PTBP3: variants seen among roughly 807,000 people sequenced by gnomAD.
The protein encoded by PTBP3 is polypyrimidine tract-binding protein 3.
A neutral mutation model predicts 58.7 loss-of-function variants in PTBP3; 20 were observed. That is an observed-to-expected ratio of 0.34 (90% confidence interval 0.24 to 0.50). The LOEUF is 0.50. Among genes scored for constraint, PTBP3 ranks in the 20% least tolerant of loss-of-function variants. The pLI is 0.98. For synonymous variants in PTBP3, 185 were observed against 219.8 expected, an observed-to-expected ratio of 0.84 and a Z score of 1.40; for missense variants, 509 against 637.2, an observed-to-expected ratio of 0.80 and a Z score of 2.17.
intron 1 of PTBP3, among the ~76,000 whole-genome samples, chr9:112,320,291 A>AAAAATATATATATATATATATAT (rs1411646280): frequency 2.7e-5 from 2 of 73,536 alleles, no homozygotes; most frequent in African/African-American, 1.8e-4. Context: ...AAAAAAAAAA[A>AAAAATATATATATATATATATAT]ATATATATAT....
intron 2 of PTBP3, among the ~76,000 whole-genome samples, chr9:112,285,673 C>T (rs1000417195): frequency 4.6e-5 from 7 of 152,180 alleles, no homozygotes; most frequent in Non-Finnish European, 8.8e-5. Flanking sequence ...TGTTCAAATA[C>T]AATTTTATGT....
In PTBP3 at chr9:112,219,098, T is replaced by A. The variant is rs14255; in HGVS notation, c.*4753A>T. The A allele has an allele frequency of 6.5e-6, 1 of 152,690 alleles. No homozygotes were observed. Among genetic ancestry groups the A allele is most frequent in the African/African-American group, 2.4e-5 (1 of 41,532 alleles). 9.5% of individuals were successfully genotyped at this position (152,690 alleles called of 1,614,324 possible). On this transcript the variant is annotated 3_prime_UTR_variant, in exon 14 of 14. Transcript: ENST00000374257. ...GAAAGTAAAGGCCGCTCTGCACTGGTTCTTCTTTCAGAAAGGAGCTTGGGG... is the reference window on the plus strand; with the variant it reads ...GAAAGTAAAGGCCGCTCTGCACTGGATCTTCTTTCAGAAAGGAGCTTGGGG...
rs571063948 is a variant in PTBP3 at position 112,227,051 on chromosome 9, C to T, written c.1364+360G>A. Reference sequence around the variant, plus strand: ...CATTTTTACCAAATTCTTAGATACACAATTTGATTTTGTCATATTGGTTAA... The same window carrying T: ...CATTTTTACCAAATTCTTAGATACATAATTTGATTTTGTCATATTGGTTAA... On this transcript the variant is annotated intron_variant, in intron 12 of 13. Coordinates refer to ENST00000374257, the MANE Select transcript of PTBP3 (RefSeq NM_001163788.4). Among the ~76,000 whole-genome samples, 437 of 152,294 alleles carry T rather than the reference C, an allele frequency of 2.9e-3. 1 individual carries two copies. Among genetic ancestry groups the T allele is most frequent in the Non-Finnish European group, 4.9e-3 (334 of 68,028 alleles).
chr9:112,285,063 T>C (rs545978034), intron 2 of PTBP3, among the ~76,000 whole-genome samples: 22 of 152,078 alleles, frequency 1.4e-4, no homozygotes, highest in Non-Finnish European at 2.4e-4. Context: ...CAGAATAATA[T>C]GGTTTCACTC....
At chr9:112,270,180 G>A (rs1384830924) in intron 3 of PTBP3, among the ~76,000 whole-genome samples, 6 of 152,096 alleles carry the variant, frequency 3.9e-5, no homozygotes, top group Non-Finnish European at 7.4e-5. Flanking sequence ...GACCTCAAGC[G>A]ATCCACCCCA....
rs577919734 is a variant in PTBP3 at position 112,312,402 on chromosome 9, C to A, written c.-51-14486G>T. Among the ~76,000 whole-genome samples, 136 of 149,224 alleles carry A rather than the reference C, an allele frequency of 9.1e-4. 1 individual carries two copies. The South Asian group carries it at 0.011, about 12-fold the overall frequency. On this transcript the variant is annotated intron_variant, in intron 1 of 13. Coordinates refer to ENST00000374257, the MANE Select transcript of PTBP3 (RefSeq NM_001163788.4). ...GTCCCCAGCTGTTCAAGGACTGAGA[C>A]AAGAGGATCACTTGAGCCCAGGAGA...
At chr9:112,297,786 T>A in intron 2 of PTBP3, 46 bp downstream of exon 2, 1 of 1,430,514 alleles carries the variant, frequency 7.0e-7, no homozygotes, top group South Asian at 1.3e-5. Context: ...AAAAAACAAT[T>A]TGAAACCCAC....
intron 12 of PTBP3, among the ~76,000 whole-genome samples, chr9:112,225,126 A>G (rs998415924): frequency 5.3e-5 from 8 of 152,196 alleles, no homozygotes; most frequent in Admixed American, 1.3e-4. Flanking sequence ...ACAGCCATAC[A>G]TAACTAATAT....
chr9:112,320,467 T>C (rs1410197437), intron 1 of PTBP3, among the ~76,000 whole-genome samples: 1 of 151,422 alleles, frequency 6.6e-6, no homozygotes, highest in Non-Finnish European at 1.5e-5. Flanking sequence ...AAACACATTT[T>C]AAAAAATAAA....
chr9:112,310,486 T>A (rs1359231204), intron 1 of PTBP3, among the ~76,000 whole-genome samples: 2 of 152,246 alleles, frequency 1.3e-5, no homozygotes, highest in African/African-American at 4.8e-5. Context: ...TATGTATAAA[T>A]GTGTTAGCAA....
chr9:112,224,069 T>C, intron 13 of PTBP3, 64 bp downstream of exon 13: 1 of 1,549,524 alleles, frequency 6.5e-7, no homozygotes, highest in Non-Finnish European at 8.8e-7. Context: ...TTCACTGAAC[T>C]ACCTTTAAAA....
the PTBP3 span, among the ~76,000 whole-genome samples, chr9:112,359,400 C>G: frequency 2.0e-5 from 3 of 151,838 alleles, no homozygotes; most frequent in African/African-American, 7.3e-5. Context: ...GAGCTGAGAT[C>G]GCGCCACTGC....
intron 10 of PTBP3, among the ~76,000 whole-genome samples, chr9:112,229,562 C>T (rs1835121798): frequency 1.6e-5 from 1 of 60,730 alleles, no homozygotes; most frequent in South Asian, 6.9e-4. Flanking sequence ...AAGACCCTGT[C>T]TCAAAAAAAA....
intron 2 of PTBP3, among the ~76,000 whole-genome samples, chr9:112,294,927 T>C (rs530307708): frequency 6.6e-6 from 1 of 152,318 alleles, no homozygotes; most frequent in South Asian, 2.1e-4. Flanking sequence ...TTTAGCTGTA[T>C]ATAACAATAT....
chr9:112,332,226 C>T (rs1193903399), intron 1 of PTBP3, among the ~76,000 whole-genome samples: 1 of 152,110 alleles, frequency 6.6e-6, no homozygotes, highest in Non-Finnish European at 1.5e-5. Context: ...AAATAAAGAA[C>T]ATCACAATCA....
In PTBP3 at chr9:112,219,491, T is replaced by C. The variant is rs1452288502; in HGVS notation, c.*4360A>G. The C allele has an allele frequency of 6.6e-6, 1 of 152,466 alleles. No individual in the cohort carries two copies. 9.4% of individuals were successfully genotyped at this position (152,466 alleles called of 1,614,324 possible). A position where few individuals can be genotyped will look rare whatever the true frequency, so the allele number is the denominator to read the frequency against. On this transcript the variant is annotated 3_prime_UTR_variant, in exon 14 of 14. Coordinates refer to ENST00000374257, the MANE Select transcript of PTBP3 (RefSeq NM_001163788.4). The stretch of plus-strand genomic sequence containing the variant: ...CCAAGGTCACTGGACCAGACAAATA[T>C]CCCTGTTCTCTGGAACATATGCCTC...
At chr9:112,227,673 T>C (rs1401370275) in intron 11 of PTBP3, 46 bp from the exon 12 acceptor site, 5 of 1,374,068 alleles carry the variant, frequency 3.6e-6, no homozygotes, top group Non-Finnish European at 4.2e-6. Context: ...TTAGGATAGA[T>C]TTCTCAGTAG....
chr9:112,315,026 T>C (rs1219901603), intron 1 of PTBP3, among the ~76,000 whole-genome samples: 1 of 151,902 alleles, frequency 6.6e-6, no homozygotes, highest in Non-Finnish European at 1.5e-5. Context: ...AGAGACGGAG[T>C]GTCACCGTGT....
At chr9:112,360,490 A>G in the PTBP3 span, among the ~76,000 whole-genome samples, 1 of 152,182 alleles carries the variant, frequency 6.6e-6, no homozygotes, top group Non-Finnish European at 1.5e-5. Context: ...CTGGCTCACA[A>G]GGATTTCTCA....
Sources: allele counts gnomAD v4.1 joint callset (sites outside exome capture counted in the v4.1 genomes callset), GRCh38; gene constraint gnomAD v4.1.1; transcripts MANE v1.5; gene names NCBI Gene and HGNC (gene_info 2026-07-23, HGNC 2026-07-21).